The following PPARG variants were observed in gnomAD, a reference collection of about 807,000 sequenced individuals.
The protein encoded by PPARG is peroxisome proliferator-activated receptor gamma.
PPARG carries 17 observed loss-of-function variants against 39.2 expected under a neutral mutation model. That is an observed-to-expected ratio of 0.43 (90% CI 0.30 to 0.65). The LOEUF is 0.65. Ranked by LOEUF, PPARG falls within the 30% of genes least tolerant of loss-of-function variation. PPARG has a pLI of 0.13. For missense variants in PPARG, 406 were observed against 585.9 expected, an observed-to-expected ratio of 0.69 and a Z score of 3.17; for synonymous variants, 223 against 215.7, an observed-to-expected ratio of 1.03 and a Z score of -0.30.
At chr3:12,345,865 A>G (rs1011882680) in intron 2 of PPARG, among the ~76,000 whole-genome samples, 1 of 152,178 alleles carries the variant, frequency 6.6e-6, no homozygotes, top group Non-Finnish European at 1.5e-5. Flanking sequence ...ATAAATCTCC[A>G]TATAACTGAT....
intron 6 of PPARG, among the ~76,000 whole-genome samples, chr3:12,410,241 G>A (rs927276033): frequency 4.6e-5 from 7 of 152,132 alleles, no homozygotes; most frequent in African/African-American, 1.4e-4. Context: ...ATCTTTGTGC[G>A]CTCTGAAAAC....
intron 7 of PPARG, 121 bp downstream of exon 7, chr3:12,417,275 C>A: frequency 2.0e-6 from 2 of 1,012,888 alleles, no homozygotes; most frequent in Non-Finnish European, 3.0e-6. Flanking sequence ...TGGCATGATG[C>A]CATGAATCAT....
intron 7 of PPARG, among the ~76,000 whole-genome samples, chr3:12,425,629 A>G (rs4135355): frequency 2.6e-5 from 4 of 151,696 alleles, no homozygotes; most frequent in African/African-American, 9.7e-5. Flanking sequence ...TTCTTCCTCT[A>G]CCTCCCACCC....
intron 2 of PPARG, among the ~76,000 whole-genome samples, chr3:12,343,630 C>T (rs2048246608): frequency 6.6e-6 from 1 of 152,120 alleles, no homozygotes; most frequent in Admixed American, 6.6e-5. Context: ...TCTCAAACCA[C>T]CTACTCGTAT....
Position 12,406,013 on chromosome 3 carries a change from A to C in PPARG, c.661A>C (p.Ile221Leu). 1 of 1,614,192 alleles carries C rather than the reference A, an allele frequency of 6.2e-7. No individual in the cohort carries two copies. Among genetic ancestry groups the C allele is most frequent in the East Asian group, 2.2e-5 (1 of 44,858 alleles). ...GGCAAAACATTTGTATGACTCATAC[A>C]TAAAGTCCTTCCCGCTGACCAAAGC... is the stretch of plus-strand genomic sequence containing the variant. ...ALAKHLYDSY[I>L]KSFPLTKAKA... The change falls in exon 6 of 8, where the codon ATA becomes CTA. Residue 221 changes from isoleucine (I) to leucine (L), a missense_variant. Ile to Leu is a conservative substitution (Grantham distance 5, BLOSUM62 2). Coordinates refer to ENST00000651735, the MANE Select transcript of PPARG (RefSeq NM_138711.6).
At chr3:12,384,442 CT>C (rs1299925954) in intron 4 of PPARG, among the ~76,000 whole-genome samples, 2 of 151,996 alleles carry the variant, frequency 1.3e-5, no homozygotes, top group South Asian at 4.1e-4. Context: ...AAAAAGGAAA[CT>C]TTTTTTGAAT....
intron 1 of PPARG, among the ~76,000 whole-genome samples, chr3:12,300,263 C>T (rs754065158): frequency 1.3e-5 from 2 of 152,194 alleles, no homozygotes; most frequent in Non-Finnish European, 2.9e-5. Context: ...AACCTGCCCA[C>T]CTATGAACAT....
intron 2 of PPARG, among the ~76,000 whole-genome samples, chr3:12,376,628 T>C (rs1027972600): frequency 1.3e-5 from 2 of 152,138 alleles, no homozygotes; most frequent in Admixed American, 1.3e-4. Context: ...CCTAGCTTGC[T>C]TATCTATAAA....
intron 5 of PPARG, 50 bp downstream of exon 5, chr3:12,392,802 C>A: frequency 6.2e-7 from 1 of 1,608,906 alleles, no homozygotes; most frequent in South Asian, 1.1e-5. Context: ...TTATAGCTGC[C>A]AGACCAGTGG....
chr3:12,362,718 T>C (rs1045859574), intron 2 of PPARG, among the ~76,000 whole-genome samples: 6 of 152,106 alleles, frequency 3.9e-5, no homozygotes, highest in African/African-American at 1.4e-4. Flanking sequence ...GTAATGATAG[T>C]ATCATTACCT....
chr3:12,311,862 G>A (rs1309640169), intron 1 of PPARG, among the ~76,000 whole-genome samples: 1 of 152,200 alleles, frequency 6.6e-6, no homozygotes, highest in African/African-American at 2.4e-5. Flanking sequence ...CCTAAGTGGT[G>A]TGGCACACAA....
intron 2 of PPARG, among the ~76,000 whole-genome samples, chr3:12,372,913 A>G (rs1233126551): frequency 1.3e-5 from 2 of 152,204 alleles, no homozygotes; most frequent in Admixed American, 1.3e-4. Context: ...AGTTCTGCCT[A>G]AAGACTTTAG....
intron 1 of PPARG, among the ~76,000 whole-genome samples, chr3:12,296,199 C>T (rs1241916825): frequency 1.5e-5 from 2 of 137,744 alleles, no homozygotes; most frequent in Non-Finnish European, 3.0e-5. Context: ...TTGCAGTGAG[C>T]CGAGAAGATT....
Position 12,332,937 on chromosome 3 carries a change from G to A in PPARG, c.-9+20484G>A, listed in dbSNP as rs142339792. 3.8e-4 allele frequency among the ~76,000 whole-genome samples: 58 copies of A among 152,278 alleles called. 1 individual carries two copies. The East Asian group carries it at 0.011, about 28-fold the overall frequency. On this transcript the variant is annotated intron_variant, in intron 2 of 7. Transcript: ENST00000651735. ...TAGTCCCAGCTACTTGGGAGGCTGAGGGAGGATCGCTTGAGCCCGGGAGGT... is the reference window on the plus strand; with the variant it reads ...TAGTCCCAGCTACTTGGGAGGCTGAAGGAGGATCGCTTGAGCCCGGGAGGT...
Position 12,430,681 on chromosome 3 carries a change from T to C in PPARG, c.1181-3217T>C, listed in dbSNP as rs2051631074. 4.6e-5 allele frequency among the ~76,000 whole-genome samples: 7 copies of C among 152,296 alleles called. No homozygotes were observed. In the South Asian group the frequency reaches 1.2e-3, roughly 27 times the overall value. ...CTAGTATAGTAGCGATTGAGGTGTT[T>C]ATAGGGTGCTATGAGGGCCCAGAGA... On this transcript the variant is annotated intron_variant, in intron 7 of 7. Transcript: ENST00000651735.
At chr3:12,386,748 C>A (rs887527672) in intron 4 of PPARG, among the ~76,000 whole-genome samples, 2 of 151,974 alleles carry the variant, frequency 1.3e-5, no homozygotes, top group Admixed American at 6.6e-5. Context: ...ACTTTAAGTT[C>A]TAGGGTACAT....
At chr3:12,393,751 C>T (rs774656513) in intron 5 of PPARG, among the ~76,000 whole-genome samples, 4 of 151,972 alleles carry the variant, frequency 2.6e-5, no homozygotes, top group Non-Finnish European at 5.9e-5. Context: ...TCTATATGTA[C>T]TCTAAAGCAT....
At chr3:12,329,711 A>G (rs1359086959) in intron 2 of PPARG, among the ~76,000 whole-genome samples, 4 of 152,116 alleles carry the variant, frequency 2.6e-5, no homozygotes, top group Non-Finnish European at 4.4e-5. Flanking sequence ...TACGTTCACA[A>G]TGTTGTACAA....
At chr3:12,394,958 A>G (rs1016077729) in intron 5 of PPARG, among the ~76,000 whole-genome samples, 1 of 152,128 alleles carries the variant, frequency 6.6e-6, no homozygotes, top group East Asian at 1.9e-4. Context: ...ACGTCCCCCA[A>G]AGCAAATGTA....
Sources: gnomAD v4.1 joint callset for allele counts (sites outside exome capture counted in the v4.1 genomes callset) on GRCh38, gnomAD v4.1.1 for gene constraint, MANE v1.5 for transcripts, NCBI Gene and HGNC (gene_info 2026-07-23, HGNC 2026-07-21) for gene names.